NFIA: variants seen among roughly 807,000 people sequenced by gnomAD.
NFIA encodes nuclear factor I A, also known as nuclear factor 1 A-type.
A neutral mutation model predicts 62.8 loss-of-function variants in NFIA; 8 were observed. The observed-to-expected ratio is 0.13, with a 90% CI of 0.07 to 0.23. The LOEUF is 0.23. Among genes scored for constraint, NFIA ranks in the 10% least tolerant of loss-of-function variants. The pLI is 1.00. For missense variants in NFIA, 410 were observed against 642.1 expected (o/e 0.64, Z 3.91); for synonymous variants, 235 against 238.1 (o/e 0.99, Z 0.12).
intron 6 of NFIA, among the ~76,000 whole-genome samples, chr1:61,368,734 C>G (rs1663730445): frequency 6.6e-6 from 1 of 152,128 alleles, no homozygotes; most frequent in African/African-American, 2.4e-5. Flanking sequence ...TAAAGAAATA[C>G]TGTATATCCT....
At chr1:61,127,829 C>T (rs1282452227) in intron 2 of NFIA, among the ~76,000 whole-genome samples, 1 of 152,162 alleles carries the variant, frequency 6.6e-6, no homozygotes, top group East Asian at 1.9e-4. Context: ...AGATTATAAG[C>T]CCAGGATTGT....
intron 7 of NFIA, among the ~76,000 whole-genome samples, chr1:61,399,883 TG>T (rs993085518): frequency 9.2e-4 from 140 of 152,344 alleles, no homozygotes; most frequent in African/African-American, 3.3e-3. Flanking sequence ...ATAGAAGTCT[TG>T]CAACATATCC....
chr1:61,251,972 G>A (rs1656070030), intron 2 of NFIA, among the ~76,000 whole-genome samples: 1 of 152,050 alleles, frequency 6.6e-6, no homozygotes, highest in African/African-American at 2.4e-5. Context: ...TTAAAATACA[G>A]TAACTCCAAT....
intron 7 of NFIA, chr1:61,386,023 A>G (rs1201338715): frequency 6.6e-6 from 1 of 152,234 alleles, no homozygotes; most frequent in African/African-American, 2.4e-5. Flanking sequence ...GGTAAGAATC[A>G]TAAGAATTGA....
intron 9 of NFIA, among the ~76,000 whole-genome samples, chr1:61,420,940 C>T (rs1175563784): frequency 6.6e-6 from 1 of 152,200 alleles, no homozygotes; most frequent in Non-Finnish European, 1.5e-5. Context: ...CCTTTCCTTG[C>T]TGTATGGCAA....
chr1:61,136,433 G>C (rs997269142), intron 2 of NFIA, among the ~76,000 whole-genome samples: 1 of 152,096 alleles, frequency 6.6e-6, no homozygotes, highest in African/African-American at 2.4e-5. Context: ...CAAATTATAC[G>C]CAAACTAGTA....
At chr1:61,348,455 C>T (rs1662364864) in intron 4 of NFIA, among the ~76,000 whole-genome samples, 1 of 152,184 alleles carries the variant, frequency 6.6e-6, no homozygotes, top group African/African-American at 2.4e-5. Context: ...GTCTGATAGA[C>T]ACTTTCGGGA....
intron 2 of NFIA, among the ~76,000 whole-genome samples, chr1:61,093,363 C>G (rs911216449): frequency 2.6e-5 from 4 of 151,982 alleles, no homozygotes; most frequent in Non-Finnish European, 5.9e-5. Flanking sequence ...ACAATATACA[C>G]TGTATATTGT....
At chr1:61,442,496 A>G (rs975697483) in intron 10 of NFIA, among the ~76,000 whole-genome samples, 1 of 152,132 alleles carries the variant, frequency 6.6e-6, no homozygotes, top group African/African-American at 2.4e-5. Flanking sequence ...AATAAATTAA[A>G]TCCTCAGGAA....
chr1:61,291,298 A>G (rs1211444578), intron 3 of NFIA, among the ~76,000 whole-genome samples: 1 of 152,200 alleles, frequency 6.6e-6, no homozygotes, highest in Admixed American at 6.5e-5. Flanking sequence ...GTGGAAAGCA[A>G]CTCAGAGTAG....
chr1:61,106,950 A>G (rs180775633), intron 2 of NFIA, among the ~76,000 whole-genome samples: 2 of 149,722 alleles, frequency 1.3e-5, no homozygotes, highest in East Asian at 3.9e-4. Context: ...ATACATATAC[A>G]TACATATATA....
chr1:61,438,309 A>C (rs1013020374), intron 10 of NFIA, among the ~76,000 whole-genome samples: 1 of 152,256 alleles, frequency 6.6e-6, no homozygotes, highest in Non-Finnish European at 1.5e-5. Flanking sequence ...AGCCCTCAGC[A>C]CCCTGCCCAG....
At chr1:61,434,060 G>T (rs1006419268) in intron 10 of NFIA, among the ~76,000 whole-genome samples, 4 of 152,168 alleles carry the variant, frequency 2.6e-5, no homozygotes, top group African/African-American at 9.7e-5. Context: ...TTTAAATTGG[G>T]CACAGCTATT....
rs11389337 is a variant in NFIA, at chr1:61,373,802, TA to T, written c.947-9424del. Among the ~76,000 whole-genome samples the T allele has an allele frequency of 4.6e-3, 671 of 147,070 alleles. 4 individuals are homozygous for T. The highest frequency in any genetic ancestry group is 0.025 in the East Asian group (129 of 5,086). ...GTGAATATGTTTCGCTTTTGGAAGT[TA>T]AAAAAAAAAAGACTAAACATGCTGA... On this transcript the variant is annotated intron_variant, in intron 6 of 10. Transcript: ENST00000403491.
At chr1:61,105,463 A>G (rs1646580322) in intron 2 of NFIA, among the ~76,000 whole-genome samples, 1 of 151,934 alleles carries the variant, frequency 6.6e-6, no homozygotes, top group Non-Finnish European at 1.5e-5. Flanking sequence ...CTTAGATAAA[A>G]TTGGTTATTT....
chr1:61,259,386 G>C (rs770122953), intron 2 of NFIA, among the ~76,000 whole-genome samples: 1 of 152,118 alleles, frequency 6.6e-6, no homozygotes, highest in African/African-American at 2.4e-5. Context: ...TCCATTCAAG[G>C]CTCACTTATT....
chr1:61,285,404 T>C (rs1350866897), intron 3 of NFIA, among the ~76,000 whole-genome samples: 1 of 152,232 alleles, frequency 6.6e-6, no homozygotes, highest in African/African-American at 2.4e-5. Context: ...CATTATTTTT[T>C]GGAAGGAATT....
chr1:61,163,841 G>A lies in NFIA; in HGVS notation c.559+75161G>A, dbSNP rs149635860. On this transcript the variant is annotated intron_variant, in intron 2 of 10. Coordinates refer to ENST00000403491, the MANE Select transcript of NFIA (RefSeq NM_001134673.4). ...AGAGGTAACTAAAGGAATGAAGTAGGCCATAGACATAGCAACAGCCCATGT... is the reference window on the plus strand; with the variant it reads ...AGAGGTAACTAAAGGAATGAAGTAGACCATAGACATAGCAACAGCCCATGT... Among the ~76,000 whole-genome samples, 49 of 152,308 alleles carry A rather than the reference G, an allele frequency of 3.2e-4. No homozygotes were observed. The East Asian group carries it at 8.7e-3, about 27-fold the overall frequency.
intron 4 of NFIA, among the ~76,000 whole-genome samples, chr1:61,338,580 A>G (rs1661739937): frequency 6.6e-6 from 1 of 152,246 alleles, no homozygotes; most frequent in Admixed American, 6.5e-5. Flanking sequence ...TTTAGTAAGA[A>G]CTATTGGCAA....
Sources: allele counts gnomAD v4.1 joint callset (sites outside exome capture counted in the v4.1 genomes callset), GRCh38; gene constraint gnomAD v4.1.1; transcripts MANE v1.5; gene names NCBI Gene and HGNC (gene_info 2026-07-23, HGNC 2026-07-21).